The following NFATC2IP variants were observed in gnomAD, a reference collection of about 807,000 sequenced individuals.
NFATC2IP encodes the protein NFATC2-interacting protein.
A neutral mutation model predicts 40.2 loss-of-function variants in NFATC2IP; 25 were observed. The observed-to-expected ratio is 0.62, with a 90% CI of 0.45 to 0.87. The LOEUF is 0.87. Ranked by LOEUF, NFATC2IP falls within the 40% of genes least tolerant of loss-of-function variation. The pLI, the probability that NFATC2IP is intolerant of heterozygous loss-of-function variation, is 0.00. For missense variants in NFATC2IP, 553 were observed against 555.6 expected (o/e 1.00, Z 0.05); for synonymous variants, 241 against 236.3 (o/e 1.02, Z -0.18).
At chr16:28,962,718 A>G (rs1965100529) in intron 7 of NFATC2IP, among the ~76,000 whole-genome samples, 1 of 152,214 alleles carries the variant, frequency 6.6e-6, no homozygotes, top group African/African-American at 2.4e-5. Context: ...TATATATTTG[A>G]CAACATCACG....
intron 7 of NFATC2IP, among the ~76,000 whole-genome samples, chr16:28,962,039 G>A (rs546104294): frequency 1.3e-5 from 2 of 152,160 alleles, no homozygotes; most frequent in East Asian, 3.9e-4. Context: ...GAGTAGTTGG[G>A]ACTACAGGTG....
Position 28,951,173 on chromosome 16 carries a change from C to G in NFATC2IP, c.162C>G (p.Ser54Arg). Residue 54 changes from serine (S) to arginine (R), a missense_variant, in exon 1 of 8, where the codon AGC (serine) becomes AGG (arginine). Physicochemically the swap from Ser to Arg is moderately radical, Grantham distance 110 (BLOSUM62 -1). Transcript: ENST00000320805. ...TGTCTGTGGACTTGGTCACCGACAG[C>G]GATGAGGAAATTCTGGAGGTCGCCA... ...DVVSVDLVTD[S>R]DEEILEVATA... 1 of 1,542,308 alleles carries G rather than the reference C, an allele frequency of 6.5e-7. No individual in the cohort carries two copies. The highest frequency in any genetic ancestry group is 8.8e-7 in the Non-Finnish European group (1 of 1,142,372).
At chr16:28,952,569 T>C (rs1964979292) in intron 2 of NFATC2IP, 1 of 244,484 alleles carries the variant, frequency 4.1e-6, no homozygotes, top group Non-Finnish European at 8.0e-6. Flanking sequence ...CCCCCACTGA[T>C]GCATTTTTTG....
At position 28,964,100 on chromosome 16, in the gene NFATC2IP, A is replaced by G. The variant is rs1393802034; in HGVS notation, c.*237A>G. On this transcript the variant is annotated 3_prime_UTR_variant, in exon 8 of 8. Coordinates refer to ENST00000320805, the MANE Select transcript of NFATC2IP (RefSeq NM_032815.4). ...GTGGCTCCGTCCACAAGTCATGCTG[A>G]GTTTTGCAGCCTCTGTGACTTGGAG... 2 of 500,240 alleles carry G rather than the reference A, an allele frequency of 4.0e-6. No homozygotes were observed. Among genetic ancestry groups the G allele is most frequent in the African/African-American group, 3.8e-5 (2 of 52,304 alleles). 31.0% of individuals were successfully genotyped at this position (500,240 alleles called of 1,614,324 possible).
chr16:28,963,659 G>A (rs758955427), intron 7 of NFATC2IP, 46 bp from the exon 8 acceptor site: 12 of 1,579,084 alleles, frequency 7.6e-6, no homozygotes, highest in African/African-American at 1.3e-5. Flanking sequence ...CGGGATCCCC[G>A]CCCCCTTTCA....
rs566497518 is a variant in NFATC2IP, at chr16:28,964,167, C to G, written c.*304C>G. On this transcript the variant is annotated 3_prime_UTR_variant, in exon 8 of 8. Coordinates refer to ENST00000320805, the MANE Select transcript of NFATC2IP (RefSeq NM_032815.4). ...CCCCTTTCACCACCATCCTCTTTTC[C>G]TCATGGAAATGTCTGCTTTATGAAA... 4 of 339,456 alleles carry G rather than the reference C, an allele frequency of 1.2e-5. No homozygotes were observed. Among genetic ancestry groups the G allele is most frequent in the Non-Finnish European group, 2.2e-5 (4 of 180,172 alleles). 21.0% of individuals were successfully genotyped at this position (339,456 alleles called of 1,614,324 possible).
chr16:28,963,652 G>T, intron 7 of NFATC2IP, 53 bp from the exon 8 acceptor site: 2 of 1,557,414 alleles, frequency 1.3e-6, no homozygotes, highest in Non-Finnish European at 1.8e-6. Context: ...ATCCCTACGG[G>T]ATCCCCGCCC....
chr16:28,960,403 A>T (rs922955250), intron 7 of NFATC2IP, among the ~76,000 whole-genome samples: 3 of 152,106 alleles, frequency 2.0e-5, no homozygotes, highest in Admixed American at 2.0e-4. Flanking sequence ...ACAAGTCTTA[A>T]CCCATCCCAG....
chr16:28,952,239 G>T, intron 2 of NFATC2IP, 35 bp downstream of exon 2: 1 of 1,611,978 alleles, frequency 6.2e-7, no homozygotes, highest in Non-Finnish European at 8.5e-7. Flanking sequence ...GCACGCAGCC[G>T]CTGGCTTCTC....
intron 1 of NFATC2IP, among the ~76,000 whole-genome samples, 187 bp downstream of exon 1, chr16:28,951,585 G>C (rs1242241824): frequency 6.6e-6 from 1 of 152,100 alleles, no homozygotes; most frequent in Non-Finnish European, 1.5e-5. Context: ...GACTGGGGTG[G>C]TGAAGGAGGG....
At chr16:28,952,619 A>C (rs969267846) in intron 2 of NFATC2IP, 1 of 198,726 alleles carries the variant, frequency 5.0e-6, no homozygotes, top group Non-Finnish European at 1.0e-5. Context: ...CTAGTCTAAT[A>C]AGGAAATAAT....
chr16:28,956,911 A>G (rs1054609987), intron 5 of NFATC2IP: 2 of 153,396 alleles, frequency 1.3e-5, no homozygotes, highest in Admixed American at 6.5e-5. Flanking sequence ...AGACATTACC[A>G]TTACTGATGC....
chr16:28,960,010 C>CT (rs1231575874), intron 7 of NFATC2IP, among the ~76,000 whole-genome samples: 2 of 152,186 alleles, frequency 1.3e-5, no homozygotes, highest in Non-Finnish European at 2.9e-5. Flanking sequence ...GTCTGAGAAT[C>CT]TGAGTGGAAA....
intron 2 of NFATC2IP, among the ~76,000 whole-genome samples, chr16:28,953,002 C>T (rs1375346518): frequency 6.6e-6 from 1 of 151,998 alleles, no homozygotes; most frequent in East Asian, 1.9e-4. Context: ...TCCCAAATTG[C>T]TGGGATTACA....
In NFATC2IP at chr16:28,956,221, C is replaced by T; in HGVS notation, c.730C>T (p.Gln244Ter). 6.2e-7 allele frequency: 1 copy of T among 1,614,040 alleles called. No individual in the cohort carries two copies. The highest frequency in any genetic ancestry group is 8.5e-7 in the Non-Finnish European group (1 of 1,179,968). The stretch of plus-strand genomic sequence containing the variant: ...CAAGCCACCTCAGGGTCAAGAGCAA[C>T]AGGGCCAAGAGGATGAAGTGGTCTT... ...SPKPPQGQEQ[Q>*]GQEDEVVLVE... The change falls in exon 5 of 8, where the codon CAG (glutamine) becomes TAG (stop). Residue 244 changes from glutamine to a stop codon, truncating the protein, a stop_gained. Coordinates refer to ENST00000320805, the MANE Select transcript of NFATC2IP (RefSeq NM_032815.4). LOFTEE classifies it high-confidence loss of function.
Position 28,966,743 on chromosome 16 carries a change from G to A in NFATC2IP, c.*2880G>A, listed in dbSNP as rs572848148. 2.1e-5 allele frequency: 3 copies of A among 143,722 alleles called. No homozygotes were observed. The highest frequency in any genetic ancestry group is 4.5e-5 in the Non-Finnish European group (3 of 66,712). The allele number at this position is 143,722 out of a possible 1,614,324, so 8.9% of individuals were successfully genotyped here. Reference sequence around the variant, plus strand: ...CATTGCACTCCAGCCTGGGCGACAAGAGTGGAAACTCTGTCTCAAAAAAAA... The same window carrying A: ...CATTGCACTCCAGCCTGGGCGACAAAAGTGGAAACTCTGTCTCAAAAAAAA... On this transcript the variant is annotated 3_prime_UTR_variant, in exon 8 of 8. Coordinates refer to ENST00000320805, the MANE Select transcript of NFATC2IP (RefSeq NM_032815.4).
intron 3 of NFATC2IP, among the ~76,000 whole-genome samples, chr16:28,954,988 C>T (rs1000558574): frequency 2.0e-5 from 3 of 151,860 alleles, no homozygotes; most frequent in Non-Finnish European, 4.4e-5. Flanking sequence ...TATAAAACCC[C>T]GTTTTATAGC....
chr16:28,956,374 G>A (rs1171805592), intron 5 of NFATC2IP, 37 bp downstream of exon 5: 4 of 1,551,208 alleles, frequency 2.6e-6, no homozygotes, highest in South Asian at 1.1e-5. Flanking sequence ...GGACCCAGGA[G>A]CTGCTTCTGG....
At chr16:28,961,386 C>T (rs1965085265) in intron 7 of NFATC2IP, among the ~76,000 whole-genome samples, 1 of 147,896 alleles carries the variant, frequency 6.8e-6, no homozygotes, top group African/African-American at 2.5e-5. Flanking sequence ...TTCAAAGCCA[C>T]TGTTACATTT....
Sources: allele counts gnomAD v4.1 joint callset (sites outside exome capture counted in the v4.1 genomes callset), GRCh38; gene constraint gnomAD v4.1.1; transcripts MANE v1.5; gene names NCBI Gene and HGNC (gene_info 2026-07-23, HGNC 2026-07-21).